The following CPT2 variants were observed in gnomAD, a reference collection of about 807,000 sequenced individuals.
The protein encoded by CPT2 is carnitine palmitoyltransferase 2, also known as carnitine O-palmitoyltransferase 2, mitochondrial.
Under a neutral mutation model 48.6 loss-of-function variants are expected in CPT2, and 37 were observed. The observed-to-expected ratio is 0.76, with a 90% CI of 0.59 to 1.00. CPT2 has a LOEUF of 1.00. Ranked by LOEUF, CPT2 falls within the 50% of genes least tolerant of loss-of-function variation. CPT2 has a pLI of 0.00. For missense variants in CPT2, 772 were observed against 825.6 expected, an observed-to-expected ratio of 0.94 and a Z score of 0.80; for synonymous variants, 319 against 326.9, an observed-to-expected ratio of 0.98 and a Z score of 0.26.
chr1:53,197,088 C>T lies in CPT2; in HGVS notation c.145C>T (p.Leu49=). 6.5e-7 allele frequency: 1 copy of T among 1,538,826 alleles called. No homozygotes were observed. Among genetic ancestry groups the T allele is most frequent in the South Asian group, 1.2e-5 (1 of 84,066 alleles). The stretch of plus-strand genomic sequence containing the variant: ...GCCCACCATGCACTACCAGGACAGC[C>T]TGCCCAGGTGAGCCTGGCCTCCGGG... The part of the protein sequence containing the change: ...IVPTMHYQDS[L]PRLPIPKLED... Residue 49 remains leucine, a synonymous_variant, in exon 1 of 5, where the codon CTG becomes TTG. Coordinates refer to ENST00000371486, the MANE Select transcript of CPT2 (RefSeq NM_000098.3).
intron 2 of CPT2, chr1:53,202,074 G>A: frequency 2.2e-6 from 1 of 450,160 alleles, no homozygotes; most frequent in Non-Finnish European, 4.1e-6. Context: ...ATGCCAAACT[G>A]CCTCCTAGGA....
At chr1:53,202,454 G>T in intron 3 of CPT2, 25 bp downstream of exon 3, 1 of 1,543,564 alleles carries the variant, frequency 6.5e-7, no homozygotes, top group South Asian at 1.1e-5. Context: ...CTGTGGGTAT[G>T]ATTTCTCCCA....
intron 3 of CPT2, among the ~76,000 whole-genome samples, chr1:53,204,823 C>T (rs1056965037): frequency 1.8e-4 from 28 of 152,288 alleles, no homozygotes; most frequent in Admixed American, 3.9e-4. Context: ...CCCACTTGTT[C>T]GCTTTCTCTC....
intron 1 of CPT2, 92 bp downstream of exon 1, chr1:53,197,187 C>T (rs1645329182): frequency 4.8e-6 from 7 of 1,461,396 alleles, no homozygotes; most frequent in Non-Finnish European, 6.5e-6. Context: ...CTAGTGAACC[C>T]GTTTCCGCCC....
At position 53,213,424 on chromosome 1, in the gene CPT2, T is replaced by TGC; in HGVS notation, c.1807_1808dup (p.Val605LeufsTer18). ...GCCCAGCAGTGAACCTTGGGGGCTT[T>TGC]GCCCCTGTGGTCTCTGATGGCTTTG... On this transcript the variant is annotated frameshift_variant, in exon 5 of 5. Transcript: ENST00000371486. LOFTEE classifies it high-confidence loss of function. 1 of 1,614,284 alleles carries TGC rather than the reference T, an allele frequency of 6.2e-7. No individual in the cohort carries two copies. Among genetic ancestry groups the TGC allele is most frequent in the East Asian group, 2.2e-5 (1 of 44,890 alleles).
At chr1:53,203,590 G>C (rs560973055) in intron 3 of CPT2, 18 of 152,158 alleles carry the variant, frequency 1.2e-4, no homozygotes, top group African/African-American at 4.3e-4. Flanking sequence ...TATCCCTTTT[G>C]GTCTTCTTGA....
In CPT2 at chr1:53,196,935, C is replaced by T. The variant is rs769734759; in HGVS notation, c.-9C>T. ...TGCCGCGTTCTCGCCGCCGCAGGCTCCCGGGACGATGGTGCCCCGCCTGCT... is the reference window on the plus strand; with the variant it reads ...TGCCGCGTTCTCGCCGCCGCAGGCTTCCGGGACGATGGTGCCCCGCCTGCT... On this transcript the variant is annotated 5_prime_UTR_variant, in exon 1 of 5. Transcript: ENST00000371486. 4.5e-6 allele frequency: 7 copies of T among 1,544,392 alleles called. No individual in the cohort carries two copies. The African/African-American group carries it at 7.0e-5, about 15-fold the overall frequency.
At position 53,205,879 on chromosome 1, in the gene CPT2, T is replaced by C. The variant is rs1325232027; in HGVS notation, c.340+3450T>C. On this transcript the variant is annotated intron_variant, in intron 3 of 4. Coordinates refer to ENST00000371486, the MANE Select transcript of CPT2 (RefSeq NM_000098.3). ...CATGCAGGTGTGCAGAAAACAAGAG[T>C]TGAGGTTTGAAAACCTCGTCCGGCC... Among the ~76,000 whole-genome samples the C allele has an allele frequency of 4.6e-5, 7 of 152,148 alleles. No individual in the cohort carries two copies. In the East Asian group the frequency reaches 7.7e-4, roughly 17 times the overall value.
chr1:53,208,497 T>C lies in CPT2; in HGVS notation c.341-1518T>C, dbSNP rs981942674. ...GGAATTTTTACAGGTAAAACATCTA[T>C]AGGAACTCAGAGGGCTAGTCTGAGT... is the stretch of plus-strand genomic sequence containing the variant. On this transcript the variant is annotated intron_variant, in intron 3 of 4. Transcript: ENST00000371486. 5.9e-5 allele frequency: 9 copies of C among 152,380 alleles called. No homozygotes were observed. The East Asian group carries it at 1.5e-3, about 26-fold the overall frequency. 9.4% of individuals were successfully genotyped at this position (152,380 alleles called of 1,614,324 possible).
rs1350688021 is a variant in CPT2 at position 53,196,979 on chromosome 1, G to C, written c.36G>C (p.Arg12=). 6 of 1,527,802 alleles carry C rather than the reference G, an allele frequency of 3.9e-6. No homozygotes were observed. In the South Asian group the frequency reaches 6.0e-5, roughly 15 times the overall value. 94.6% of individuals were successfully genotyped at this position (1,527,802 alleles called of 1,614,324 possible). A position where few individuals can be genotyped will look rare whatever the true frequency, so the allele number is the denominator to read the frequency against. The stretch of plus-strand genomic sequence containing the variant: ...GCCTGCTGCTGCGCGCCTGGCCCCG[G>C]GGCCCCGCGGTTGGTCCGGGAGCCC... ...VPRLLLRAWP[R]GPAVGPGAPS... Residue 12 remains arginine (R), a synonymous_variant, in exon 1 of 5, where the codon CGG becomes CGC. Transcript: ENST00000371486.
chr1:53,200,942 A>G, intron 2 of CPT2, 143 bp downstream of exon 2: 1 of 725,218 alleles, frequency 1.4e-6, no homozygotes, highest in Non-Finnish European at 2.5e-6. Flanking sequence ...CTGCAAGTTC[A>G]GGAAATAGAT....
At chr1:53,197,256 A>C in intron 1 of CPT2, 161 bp downstream of exon 1, 1 of 880,664 alleles carries the variant, frequency 1.1e-6, no homozygotes, top group Non-Finnish European at 1.8e-6. Flanking sequence ...GGGACTTTTC[A>C]CAATCTCCTA....
intron 2 of CPT2, chr1:53,202,098 G>A (rs186757943): frequency 1.9e-4 from 97 of 500,910 alleles, no homozygotes; most frequent in African/African-American, 1.8e-3. Flanking sequence ...GGATTATTTT[G>A]TGAGATGTTG....
chr1:53,200,810 A>G lies in CPT2; in HGVS notation c.233+11A>G. 1 of 1,606,324 alleles carries G rather than the reference A, an allele frequency of 6.2e-7. No individual in the cohort carries two copies. Among genetic ancestry groups the G allele is most frequent in the Non-Finnish European group, 8.5e-7 (1 of 1,172,886 alleles). On this transcript the variant is annotated intron_variant, in intron 2 of 4. Transcript: ENST00000371486. ...TGATGGCCAGTTCAGGTAAACACTGAGAACCTTGGGTGAGCATAGTTGGGG... is the reference window on the plus strand; with the variant it reads ...TGATGGCCAGTTCAGGTAAACACTGGGAACCTTGGGTGAGCATAGTTGGGG...
At position 53,207,649 on chromosome 1, in the gene CPT2, G is replaced by C. The variant is rs949306726; in HGVS notation, c.341-2366G>C. 4 of 152,178 alleles carry C rather than the reference G, an allele frequency of 2.6e-5. No homozygotes were observed. The East Asian group carries it at 7.7e-4, about 29-fold the overall frequency. 9.4% of individuals were successfully genotyped at this position (152,178 alleles called of 1,614,324 possible). On this transcript the variant is annotated intron_variant, in intron 3 of 4. Transcript: ENST00000371486. ...GCTAATTTTTTGTATTTTTAGCGGA[G>C]ACGGTGTTTCACCATGTTAGCCAGG...
intron 4 of CPT2, among the ~76,000 whole-genome samples, chr1:53,212,615 T>C (rs975225729): frequency 1.3e-5 from 2 of 152,232 alleles, no homozygotes; most frequent in Non-Finnish European, 2.9e-5. Context: ...AAACAGGTTA[T>C]CTCAGAAGCT....
Position 53,210,420 on chromosome 1 carries a change from G to A in CPT2, c.746G>A (p.Gly249Glu). ...AGACACCTCCTGGTCCTAAGGAAAG[G>A]AAATTTTTATATCTTTGATGTCCTG... ...KARHLLVLRK[G>E]NFYIFDVLDQ... Residue 249 changes from glycine (G) to glutamate (E), a missense_variant, in exon 4 of 5, where the codon GGA becomes GAA. Physicochemically the swap from Gly to Glu is moderately conservative, Grantham distance 98 (BLOSUM62 -2). Coordinates refer to ENST00000371486, the MANE Select transcript of CPT2 (RefSeq NM_000098.3). 1.2e-6 allele frequency: 2 copies of A among 1,614,134 alleles called. No homozygotes were observed. Among genetic ancestry groups the A allele is most frequent in the Non-Finnish European group, 1.7e-6 (2 of 1,180,040 alleles).
intron 3 of CPT2, chr1:53,207,754 C>G (rs1476365078): frequency 6.6e-6 from 1 of 152,232 alleles, no homozygotes; most frequent in East Asian, 1.9e-4. Flanking sequence ...AGCCACTGCA[C>G]CCAGCCCCCA....
chr1:53,210,296 A>G lies in CPT2; in HGVS notation c.622A>G (p.Asn208Asp). Residue 208 changes from asparagine to aspartate, a missense_variant, in exon 4 of 5, where the codon AAT (asparagine) becomes GAT (aspartate). Asn to Asp is a conservative substitution (Grantham distance 23). Coordinates refer to ENST00000371486, the MANE Select transcript of CPT2 (RefSeq NM_000098.3). ...GTCCTGGTATGGGGCCTACCTGGTC[A>G]ATGCGTATCCCCTGGATATGTCCCA... is the stretch of plus-strand genomic sequence containing the variant. ...SLSWYGAYLV[N>D]AYPLDMSQYF... The G allele has an allele frequency of 1.2e-6, 2 of 1,614,174 alleles. No homozygotes were observed. Among genetic ancestry groups the G allele is most frequent in the Non-Finnish European group, 1.7e-6 (2 of 1,180,042 alleles).
Sources: allele counts gnomAD v4.1 joint callset (sites outside exome capture counted in the v4.1 genomes callset), GRCh38; gene constraint gnomAD v4.1.1; transcripts MANE v1.5; gene names NCBI Gene and HGNC (gene_info 2026-07-23, HGNC 2026-07-21).